The following ZNF600 variants were observed in gnomAD, a reference collection of about 807,000 sequenced individuals.
ZNF600 encodes the protein zinc finger protein 600.
Under a neutral mutation model 7.3 loss-of-function variants are expected in ZNF600, and 4 were observed. The observed-to-expected ratio is 0.55, with a 90% CI of 0.27 to 1.25. ZNF600 has a LOEUF of 1.25. Among genes scored for constraint, ZNF600 ranks in the 50% most tolerant of loss-of-function variants. The probability of loss-of-function intolerance (pLI) is 0.12; values close to 1 mark genes in which losing one functional copy is unlikely to be tolerated. For synonymous variants in ZNF600, 290 were observed against 308.9 expected, an observed-to-expected ratio of 0.94 and a Z score of 0.64; for missense variants, 911 against 922.1, an observed-to-expected ratio of 0.99 and a Z score of 0.16.
intron 3 of ZNF600, among the ~76,000 whole-genome samples, chr19:52,771,605 G>C (rs923522319): frequency 6.6e-6 from 1 of 151,958 alleles, no homozygotes; most frequent in African/African-American, 2.4e-5. Flanking sequence ...AGCCTCACAA[G>C]AAGCTGGGAT....
chr19:52,785,306 G>A (rs1009096268), intron 1 of ZNF600, among the ~76,000 whole-genome samples: 1 of 151,120 alleles, frequency 6.6e-6, no homozygotes. Flanking sequence ...GGAGTGCACC[G>A]GTGCGATCTT....
chr19:52,824,040 A>C, the ZNF600 span, among the ~76,000 whole-genome samples: 2 of 151,830 alleles, frequency 1.3e-5, no homozygotes, highest in Admixed American at 6.6e-5. Context: ...ACTCCAGCCC[A>C]GGCAACAACA....
chr19:52,820,206 T>C, the ZNF600 span, among the ~76,000 whole-genome samples: 82 of 114,166 alleles, frequency 7.2e-4, 7 homozygotes, highest in Non-Finnish European at 1.1e-3. Flanking sequence ...CAAGCTCTGC[T>C]TCCCGGGTTC....
upstream of ZNF600, among the ~76,000 whole-genome samples, chr19:52,789,663 G>T (rs2062786494): frequency 6.6e-6 from 1 of 152,160 alleles, no homozygotes; most frequent in Admixed American, 6.5e-5. Flanking sequence ...AACATGGGAG[G>T]ATCCCTTGAG....
At chr19:52,783,401 G>T (rs571608174) in intron 1 of ZNF600, among the ~76,000 whole-genome samples, 14 of 151,994 alleles carry the variant, frequency 9.2e-5, no homozygotes, top group East Asian at 3.9e-4. Context: ...TCGCTCTGTC[G>T]CCCAGGCTGG....
At chr19:52,799,995 C>T in the ZNF600 span, 2,462 of 1,613,336 alleles carry the variant, frequency 1.5e-3, 9 homozygotes, top group Non-Finnish European at 1.5e-3. Context: ...TGATGTCTGA[C>T]GGAAGGTCTT....
chr19:52,800,230 C>T, the ZNF600 span: 231 of 1,613,126 alleles, frequency 1.4e-4, no homozygotes, highest in African/African-American at 2.9e-3. Flanking sequence ...TGATGACATG[C>T]AAGGTTTGCT....
At chr19:52,809,399 C>A in the ZNF600 span, among the ~76,000 whole-genome samples, 298 of 152,042 alleles carry the variant, frequency 2.0e-3, 12 homozygotes, top group East Asian at 0.052. Context: ...CATGTAAATT[C>A]ACAACTAGCA....
the ZNF600 span, among the ~76,000 whole-genome samples, chr19:52,795,362 A>G: frequency 1.3e-5 from 2 of 152,166 alleles, no homozygotes; most frequent in African/African-American, 4.8e-5. Context: ...TTTCCAATAT[A>G]TGACACAGAC....
intron 2 of ZNF600, among the ~76,000 whole-genome samples, chr19:52,775,548 C>G (rs76447811): frequency 0.12 from 18,181 of 151,974 alleles, 1,239 homozygotes; most frequent in South Asian, 0.2. Flanking sequence ...GACTCCATCT[C>G]AAAAACAAAC....
chr19:52,820,908 T>C, the ZNF600 span, among the ~76,000 whole-genome samples: 1 of 152,022 alleles, frequency 6.6e-6, no homozygotes, highest in Non-Finnish European at 1.5e-5. Context: ...TTAGTCCCTC[T>C]CTCTGTCTCC....
exon 4 of ZNF600, chr19:52,765,895 G>C (rs1447151492): frequency 1.2e-6 from 2 of 1,613,994 alleles, no homozygotes; most frequent in Middle Eastern, 1.7e-4. Flanking sequence ...TGTGATTGTT[G>C]ATTAAAAGCC....
intron 3 of ZNF600, among the ~76,000 whole-genome samples, chr19:52,768,794 A>G (rs112376977): frequency 0.047 from 7,197 of 152,256 alleles, 559 homozygotes; most frequent in African/African-American, 0.16. Flanking sequence ...AGCTGTTCCA[A>G]TATAATAAAA....
At chr19:52,801,691 T>G in the ZNF600 span, 2 of 1,611,254 alleles carry the variant, frequency 1.2e-6, no homozygotes, top group Non-Finnish European at 1.7e-6. Context: ...ATCATGCATT[T>G]GGAAGAGATA....
rs1164804846 is a variant in ZNF600 at position 52,769,164 on chromosome 19, G to A, written c.191-1392C>T. ...CCCGCCACTTAGCAGACCGGGAAAG[G>A]GAGTCTCCCTTTCCCCGGGGGAGTT... On this transcript the variant is annotated intron_variant, in intron 3 of 3. Coordinates refer to ENST00000648973, the Ensembl canonical transcript of ZNF600. Among the ~76,000 whole-genome samples, 3 of 152,054 alleles carry A rather than the reference G, an allele frequency of 2.0e-5. No individual in the cohort carries two copies. In the East Asian group the frequency reaches 5.8e-4, roughly 30 times the overall value.
chr19:52,815,529 T>TA, the ZNF600 span, among the ~76,000 whole-genome samples: 1 of 140,990 alleles, frequency 7.1e-6, no homozygotes, highest in Non-Finnish European at 1.5e-5. Flanking sequence ...AAAAAATAAA[T>TA]AAAAAAAATA....
intron 2 of ZNF600, among the ~76,000 whole-genome samples, chr19:52,778,332 A>C (rs1194948340): frequency 6.6e-6 from 1 of 152,018 alleles, no homozygotes; most frequent in East Asian, 1.9e-4. Flanking sequence ...TTAAAAAAAA[A>C]AAAAGTTTGG....
chr19:52,812,603 C>G, the ZNF600 span, among the ~76,000 whole-genome samples: 1 of 128,910 alleles, frequency 7.8e-6, no homozygotes, highest in Non-Finnish European at 1.6e-5. Flanking sequence ...TCCCTAATCT[C>G]AAGTACCCAG....
At chr19:52,794,241 G>A in the ZNF600 span, among the ~76,000 whole-genome samples, 14,420 of 152,132 alleles carry the variant, frequency 0.095, 735 homozygotes, top group Non-Finnish European at 0.11. Context: ...TTTCCATTCC[G>A]GTATTTGTGG....
Sources: gnomAD v4.1 joint callset for allele counts (sites outside exome capture counted in the v4.1 genomes callset) on GRCh38, gnomAD v4.1.1 for gene constraint, MANE v1.5 for transcripts, NCBI Gene and HGNC (gene_info 2026-07-23, HGNC 2026-07-21) for gene names.